Variants in PDE7B observed in about 807,000 individuals in gnomAD.
PDE7B encodes the protein 3',5'-cyclic-AMP phosphodiesterase 7B.
A neutral mutation model predicts 56.2 loss-of-function variants in PDE7B; 29 were observed. That is an observed-to-expected ratio of 0.52 (90% CI 0.38 to 0.70). The LOEUF (loss-of-function observed/expected upper bound fraction) is 0.70. Among genes scored for constraint, PDE7B ranks in the 30% least tolerant of loss-of-function variants. PDE7B has a pLI of 0.00. For missense variants in PDE7B, 490 were observed against 565.0 expected, an observed-to-expected ratio of 0.87 and a Z score of 1.35; for synonymous variants, 197 against 196.9, an observed-to-expected ratio of 1.00 and a Z score of 0.00.
chr6:136,123,734 T>G (rs916126838), intron 3 of PDE7B, among the ~76,000 whole-genome samples: 3 of 152,210 alleles, frequency 2.0e-5, no homozygotes, highest in African/African-American at 7.2e-5. Flanking sequence ...GTCAATTAAT[T>G]TAAACAGCAA....
In PDE7B at chr6:135,919,174, G is replaced by A. The variant is rs183449583; in HGVS notation, c.22-28290G>A. Among the ~76,000 whole-genome samples, 56 of 152,296 alleles carry A rather than the reference G, an allele frequency of 3.7e-4. 1 individual carries two copies. The highest frequency in any genetic ancestry group is 1.2e-3 in the African/African-American group (48 of 41,576). On this transcript the variant is annotated intron_variant, in intron 1 of 12. Coordinates refer to ENST00000308191, the MANE Select transcript of PDE7B (RefSeq NM_018945.4). ...AGAACTCCTCTGGCTATAATAGGCA[G>A]AGAGAACAAGCCAAGCCAATCTTTC...
chr6:135,947,609 A>C, intron 2 of PDE7B, 85 bp downstream of exon 2: 1 of 1,015,330 alleles, frequency 9.8e-7, no homozygotes, highest in Non-Finnish European at 1.6e-6. Context: ...GCTGTCTCTC[A>C]TTCTGTTTTG....
chr6:136,178,447 A>T (rs149221124), intron 9 of PDE7B, among the ~76,000 whole-genome samples: 2 of 152,166 alleles, frequency 1.3e-5, no homozygotes, highest in Non-Finnish European at 2.9e-5. Flanking sequence ...GTTGACTAAT[A>T]TATCTCTTGC....
Position 135,906,810 on chromosome 6 carries a change from GTTTTTTTTTTTTTTTT to G in PDE7B, c.22-40643_22-40628del, listed in dbSNP as rs869049424. On this transcript the variant is annotated intron_variant, in intron 1 of 12. Coordinates refer to ENST00000308191, the MANE Select transcript of PDE7B (RefSeq NM_018945.4). ...TTTGACTCAAATGTTAATGAGGTTT[GTTTTTTTTTTTTTTTT>G]TTTTTTTTTTAATCCTCTAGGCTTT... Among the ~76,000 whole-genome samples the G allele has an allele frequency of 1.7e-4, 10 of 59,506 alleles. 1 individual carries two copies. Among genetic ancestry groups the G allele is most frequent in the African/African-American group, 7.0e-4 (10 of 14,212 alleles). 39.0% of individuals were successfully genotyped at this position (59,506 alleles called of 152,430 possible).
chr6:135,959,785 A>G (rs577484178), intron 2 of PDE7B, among the ~76,000 whole-genome samples: 10 of 151,910 alleles, frequency 6.6e-5, no homozygotes, highest in African/African-American at 2.4e-4. Context: ...AAAAGTTTAC[A>G]TTTTTGGAGG....
intron 2 of PDE7B, among the ~76,000 whole-genome samples, chr6:136,063,242 T>A (rs755020829): frequency 3.9e-5 from 6 of 152,174 alleles, no homozygotes; most frequent in Non-Finnish European, 8.8e-5. Context: ...GAAGAGCATG[T>A]GGAGTTACTT....
intron 8 of PDE7B, among the ~76,000 whole-genome samples, chr6:136,162,684 C>T (rs1468986531): frequency 6.6e-6 from 1 of 152,158 alleles, no homozygotes; most frequent in Admixed American, 6.5e-5. Flanking sequence ...AAGCAAGTCC[C>T]TTTTACCTAG....
chr6:136,028,241 G>T (rs1389461860), intron 2 of PDE7B, among the ~76,000 whole-genome samples: 1 of 152,200 alleles, frequency 6.6e-6, no homozygotes, highest in Non-Finnish European at 1.5e-5. Context: ...TCAAAGGCAA[G>T]TAGTGACGTA....
chr6:136,053,381 C>T (rs1391840027), intron 2 of PDE7B, among the ~76,000 whole-genome samples: 2 of 151,976 alleles, frequency 1.3e-5, no homozygotes, highest in Admixed American at 6.6e-5. Context: ...CTAAAAAGGA[C>T]ATGAACTCAT....
chr6:136,151,479 G>C (rs1778512201), intron 6 of PDE7B, among the ~76,000 whole-genome samples: 1 of 152,102 alleles, frequency 6.6e-6, no homozygotes, highest in African/African-American at 2.4e-5. Flanking sequence ...GGTTAGGGGT[G>C]CTAACCCCCT....
At chr6:135,999,960 C>G (rs904065864) in intron 2 of PDE7B, among the ~76,000 whole-genome samples, 7 of 152,276 alleles carry the variant, frequency 4.6e-5, no homozygotes, top group African/African-American at 1.7e-4. Context: ...GCCATTCTGA[C>G]TAGTGTAAGA....
At chr6:136,145,640 A>G (rs1356777700) in intron 3 of PDE7B, among the ~76,000 whole-genome samples, 1 of 152,156 alleles carries the variant, frequency 6.6e-6, no homozygotes, top group East Asian at 1.9e-4. Flanking sequence ...CATTAGCAGC[A>G]TTTAATTTTA....
intron 2 of PDE7B, among the ~76,000 whole-genome samples, chr6:136,106,871 G>A (rs535452906): frequency 6.6e-6 from 1 of 152,182 alleles, no homozygotes; most frequent in South Asian, 2.1e-4. Context: ...TTTTTTTAAA[G>A]CTAACAGCTT....
rs1372235181 is a variant in PDE7B, at chr6:135,938,292, A to G, written c.22-9172A>G. Reference sequence around the variant, plus strand: ...GCTTTAGTTGTTTGCCTTCACAGCTATCTTTTTGAAAACAAAGTGTGGCTA... The same window carrying G: ...GCTTTAGTTGTTTGCCTTCACAGCTGTCTTTTTGAAAACAAAGTGTGGCTA... On this transcript the variant is annotated intron_variant, in intron 1 of 12. Transcript: ENST00000308191. Among the ~76,000 whole-genome samples the G allele has an allele frequency of 2.6e-5, 4 of 152,338 alleles. No individual in the cohort carries two copies. The East Asian group carries it at 5.8e-4, about 22-fold the overall frequency.
chr6:136,029,227 T>A lies in PDE7B; in HGVS notation c.83-79504T>A, dbSNP rs142886023. Among the ~76,000 whole-genome samples the A allele has an allele frequency of 1.0e-3, 159 of 152,302 alleles. 1 individual carries two copies. In the East Asian group the frequency reaches 0.024, roughly 23 times the overall value. Reference sequence around the variant, plus strand: ...AGACTTAACTGAAGTTTTCAATGATTAACGAGAGACTTGAAAAACACAATT... The same window carrying A: ...AGACTTAACTGAAGTTTTCAATGATAAACGAGAGACTTGAAAAACACAATT... On this transcript the variant is annotated intron_variant, in intron 2 of 12. Coordinates refer to ENST00000308191, the MANE Select transcript of PDE7B (RefSeq NM_018945.4).
At chr6:136,170,348 G>C (rs566448185) in intron 8 of PDE7B, among the ~76,000 whole-genome samples, 1 of 152,192 alleles carries the variant, frequency 6.6e-6, no homozygotes, top group East Asian at 1.9e-4. Context: ...GTACAATTCA[G>C]TGGTATTAAG....
intron 2 of PDE7B, among the ~76,000 whole-genome samples, chr6:136,086,929 C>T (rs1022946895): frequency 7.2e-5 from 11 of 152,148 alleles, no homozygotes; most frequent in African/African-American, 2.7e-4. Flanking sequence ...AATCACCACA[C>T]AAACTGTGGG....
intron 3 of PDE7B, among the ~76,000 whole-genome samples, chr6:136,128,555 A>T: frequency 6.7e-6 from 1 of 150,068 alleles, no homozygotes; most frequent in Non-Finnish European, 1.5e-5. Flanking sequence ...GAGAACTGGG[A>T]CCCCCCCACC....
chr6:136,050,864 A>G (rs1776610484), intron 2 of PDE7B, among the ~76,000 whole-genome samples: 1 of 152,114 alleles, frequency 6.6e-6, no homozygotes, highest in African/African-American at 2.4e-5. Context: ...ATCTTTGATG[A>G]CCATTTTTCC....
Sources: gnomAD v4.1 joint callset for allele counts (sites outside exome capture counted in the v4.1 genomes callset) on GRCh38, gnomAD v4.1.1 for gene constraint, MANE v1.5 for transcripts, NCBI Gene and HGNC (gene_info 2026-07-23, HGNC 2026-07-21) for gene names.